AGBL3: variants seen among roughly 807,000 people sequenced by gnomAD.
AGBL3 encodes cytosolic carboxypeptidase 3.
Under a neutral mutation model 94.5 loss-of-function variants are expected in AGBL3, and 68 were observed. The ratio of observed to expected loss-of-function variants is 0.72; its 90% confidence interval spans 0.59 to 0.88. The LOEUF (loss-of-function observed/expected upper bound fraction) is 0.88. AGBL3 is among the 40% of genes least tolerant of loss of function. The probability of loss-of-function intolerance (pLI) is 0.00; values close to 1 mark genes in which losing one functional copy is unlikely to be tolerated. For synonymous variants in AGBL3, 354 were observed against 370.7 expected (o/e 0.95, Z 0.52); for missense variants, 934 against 1,103.8 (o/e 0.85, Z 2.18).
intron 15 of AGBL3, among the ~76,000 whole-genome samples, chr7:135,095,670 G>T (rs1380798823): frequency 6.6e-6 from 1 of 152,116 alleles, no homozygotes; most frequent in Non-Finnish European, 1.5e-5. Context: ...ACTGTTTTTT[G>T]TGCTAATTGG....
intron 4 of AGBL3, chr7:134,995,184 T>C (rs1225753626): frequency 6.6e-6 from 1 of 152,232 alleles, no homozygotes; most frequent in Non-Finnish European, 1.5e-5. Context: ...CTGCTCCTAC[T>C]GTGACTTCTG....
intron 16 of AGBL3, among the ~76,000 whole-genome samples, chr7:135,120,956 C>A (rs1039010131): frequency 1.3e-5 from 2 of 152,178 alleles, no homozygotes; most frequent in African/African-American, 4.8e-5. Context: ...GTAATCCCAG[C>A]ACCTTGGGAG....
At chr7:135,040,105 T>C (rs1456604323) in intron 8 of AGBL3, among the ~76,000 whole-genome samples, 3 of 152,124 alleles carry the variant, frequency 2.0e-5, no homozygotes, top group Non-Finnish European at 4.4e-5. Flanking sequence ...ATTTAACAAC[T>C]TAGATGAAAT....
At chr7:135,130,499 T>C (rs1481337561) in intron 16 of AGBL3, among the ~76,000 whole-genome samples, 1 of 152,086 alleles carries the variant, frequency 6.6e-6, no homozygotes, top group African/African-American at 2.4e-5. Context: ...TTCTCTCTCT[T>C]TACCTTTGCC....
At chr7:134,989,172 TA>T in intron 2 of AGBL3, 77 bp from the exon 3 acceptor site, 1 of 996,704 alleles carries the variant, frequency 1.0e-6, no homozygotes, top group Non-Finnish European at 1.5e-6. Flanking sequence ...TCCCAAGTAC[TA>T]AAATAGATGT....
chr7:135,098,438 A>G (rs1823250729), intron 15 of AGBL3, among the ~76,000 whole-genome samples: 2 of 152,186 alleles, frequency 1.3e-5, no homozygotes, highest in Admixed American at 1.3e-4. Flanking sequence ...ACAAGGAAAA[A>G]AGTCTGCACG....
chr7:135,018,214 T>C (rs751953441), intron 5 of AGBL3, among the ~76,000 whole-genome samples: 24 of 152,174 alleles, frequency 1.6e-4, no homozygotes, highest in Non-Finnish European at 2.6e-4. Context: ...TCCAGACCTG[T>C]AGAATCCTTT....
chr7:135,084,502 T>A (rs1021064996), intron 15 of AGBL3, among the ~76,000 whole-genome samples: 3 of 152,076 alleles, frequency 2.0e-5, no homozygotes, highest in Non-Finnish European at 2.9e-5. Flanking sequence ...CACCCCTCTA[T>A]CCTTCTCTGC....
intron 4 of AGBL3, among the ~76,000 whole-genome samples, chr7:134,996,889 C>T (rs1329455579): frequency 6.6e-6 from 1 of 152,126 alleles, no homozygotes; most frequent in Non-Finnish European, 1.5e-5. Flanking sequence ...GTCCTCAAGA[C>T]AACTCATATT....
Position 135,059,215 on chromosome 7 carries a change from C to T in AGBL3, c.1888C>T (p.Leu630Phe). ...SSESIDSLTY[L>F]LKLTSQKKHL... ...AGAATCCATTGACTCTCTGACTTAC[C>T]TTCTCAAGTTAACTTCTCAGGTATG... The change falls in exon 12 of 17, where the codon CTT becomes TTT. Residue 630 changes from leucine (L) to phenylalanine (F), a missense_variant. Physicochemically the swap from Leu to Phe is conservative, Grantham distance 22. Transcript: ENST00000436302. 6.4e-7 allele frequency: 1 copy of T among 1,551,064 alleles called. No homozygotes were observed. The highest frequency in any genetic ancestry group is 8.7e-7 in the Non-Finnish European group (1 of 1,146,600).
chr7:135,131,803 T>C (rs1229792010), intron 16 of AGBL3, among the ~76,000 whole-genome samples: 1 of 151,908 alleles, frequency 6.6e-6, no homozygotes, highest in Non-Finnish European at 1.5e-5. Flanking sequence ...CTTCTATTAA[T>C]ACTGACAAAT....
chr7:134,994,113 T>C (rs556458023), intron 4 of AGBL3, among the ~76,000 whole-genome samples: 71 of 152,304 alleles, frequency 4.7e-4, no homozygotes, highest in African/African-American at 1.6e-3. Context: ...CACAAACTCA[T>C]ACACAGAGTG....
chr7:135,070,724 C>T (rs559473044), intron 12 of AGBL3, among the ~76,000 whole-genome samples: 1 of 151,990 alleles, frequency 6.6e-6, no homozygotes, highest in South Asian at 2.1e-4. Flanking sequence ...TGGGACGTAT[C>T]TCAAAATAAT....
In AGBL3 at chr7:135,128,580, T is replaced by C. The variant is rs951169735; in HGVS notation, c.2343-6261T>C. 5 of 770,896 alleles carry C rather than the reference T, an allele frequency of 6.5e-6. No homozygotes were observed. The Admixed American group carries it at 8.6e-5, about 13-fold the overall frequency. The allele number at this position is 770,896 out of a possible 1,614,324, so 47.8% of individuals were successfully genotyped here. ...TTGGATTTGCCATAGAATTTCAAGA[T>C]GTTTGTGAGCGCTATCTGCTCTATG... is the stretch of plus-strand genomic sequence containing the variant. On this transcript the variant is annotated intron_variant, in intron 16 of 16. Coordinates refer to ENST00000436302, the MANE Select transcript of AGBL3 (RefSeq NM_178563.4).
chr7:135,053,914 A>G (rs1176742210), intron 11 of AGBL3, among the ~76,000 whole-genome samples: 1 of 152,258 alleles, frequency 6.6e-6, no homozygotes, highest in Non-Finnish European at 1.5e-5. Flanking sequence ...AGCAATTTAA[A>G]ACATAGACCT....
At chr7:135,072,784 G>T (rs1820056411) in intron 12 of AGBL3, among the ~76,000 whole-genome samples, 1 of 113,404 alleles carries the variant, frequency 8.8e-6, no homozygotes, top group African/African-American at 3.3e-5. Context: ...GAGGGGGGAG[G>T]GATAGCATTA....
chr7:135,033,896 G>T (rs941453530), intron 6 of AGBL3, among the ~76,000 whole-genome samples: 1 of 152,100 alleles, frequency 6.6e-6, no homozygotes, highest in South Asian at 2.1e-4. Context: ...TCAAATACCT[G>T]TGTTTTTATG....
chr7:135,089,231 T>G (rs1180419342), intron 15 of AGBL3, among the ~76,000 whole-genome samples: 5 of 152,244 alleles, frequency 3.3e-5, no homozygotes, highest in African/African-American at 1.2e-4. Context: ...CTATTTATGT[T>G]GAATTTCTTA....
At position 135,034,151 on chromosome 7, in the gene AGBL3, C is replaced by T. The variant is rs1198062904; in HGVS notation, c.560C>T (p.Ala187Val). The T allele has an allele frequency of 2.6e-6, 4 of 1,524,664 alleles. No homozygotes were observed. The highest frequency in any genetic ancestry group is 2.8e-5 in the African/African-American group (2 of 72,430). The allele number at this position is 1,524,664 out of a possible 1,614,324, so 94.4% of individuals were successfully genotyped here. Residue 187 changes from alanine to valine, a missense_variant and splice_region_variant, in exon 7 of 17, where the codon GCA (alanine) becomes GTA (valine). By Grantham distance (64) the Ala-to-Val change is moderately conservative (BLOSUM62 0). Around this residue, in one of 3 missense-constraint regions of AGBL3, gnomAD observed 488 missense variants for 563.6 expected, o/e 0.87. Coordinates refer to ENST00000436302, the MANE Select transcript of AGBL3 (RefSeq NM_178563.4). ...TCCCTTTCTTTCTTGTGTATTAGGG[C>T]AGAATACGAATACCAATTGACTGTA... is the stretch of plus-strand genomic sequence containing the variant. The part of the protein sequence containing the change: ...SGNLQKVVKV[A>V]EYEYQLTVRP...
Sources: gnomAD v4.1 joint callset for allele counts (sites outside exome capture counted in the v4.1 genomes callset) on GRCh38, gnomAD v4.1.1 for gene constraint, gnomAD v4.1.1 regional missense constraint, MANE v1.5 for transcripts, NCBI Gene and HGNC (gene_info 2026-07-23, HGNC 2026-07-21) for gene names.